ACADM: variants seen among roughly 807,000 people sequenced by gnomAD.
The protein encoded by ACADM is acyl-CoA dehydrogenase medium chain.
A neutral mutation model predicts 58.9 loss-of-function variants in ACADM; 49 were observed. That is an observed-to-expected ratio of 0.83 (90% CI 0.66 to 1.06). The LOEUF (loss-of-function observed/expected upper bound fraction) is 1.06. ACADM is among the 50% of genes least tolerant of loss of function. The pLI is 0.00. For missense variants in ACADM, 496 were observed against 507.0 expected (o/e 0.98, Z 0.21); for synonymous variants, 160 against 157.7 (o/e 1.01, Z -0.11).
At chr1:75,725,177 C>G (rs1647030353) in intron 1 of ACADM, among the ~76,000 whole-genome samples, 1 of 151,954 alleles carries the variant, frequency 6.6e-6, no homozygotes, top group Non-Finnish European at 1.5e-5. Context: ...AATGGAGCAG[C>G]TACTCCTTGA....
intron 2 of ACADM, 186 bp from the exon 3 acceptor site, chr1:75,732,458 G>C (rs1183074184): frequency 1.6e-6 from 1 of 608,134 alleles, no homozygotes; most frequent in Non-Finnish European, 2.9e-6. Flanking sequence ...TTTAGCATTT[G>C]TATTGACATA....
chr1:75,737,429 TAAAAACTTCACTGTATTATG>T (rs1156371075), intron 6 of ACADM, among the ~76,000 whole-genome samples: 2 of 150,970 alleles, frequency 1.3e-5, no homozygotes, highest in Non-Finnish European at 2.9e-5. Flanking sequence ...TCACAGGCTC[TAAAAACTTCACTGTATTATG>T]AAACAGACAG....
intron 10 of ACADM, among the ~76,000 whole-genome samples, chr1:75,759,622 T>G (rs1335224508): frequency 4.0e-5 from 6 of 151,358 alleles, no homozygotes; most frequent in Non-Finnish European, 8.8e-5. Context: ...TCTGATACAG[T>G]GCCACATTAT....
chr1:75,738,310 A>T (rs1570873558), intron 6 of ACADM, among the ~76,000 whole-genome samples: 1 of 147,574 alleles, frequency 6.8e-6, no homozygotes, highest in Non-Finnish European at 1.5e-5. Context: ...TGCAACCTCC[A>T]CCTCCCAGGT....
chr1:75,732,190 G>A (rs1187589151), intron 2 of ACADM, among the ~76,000 whole-genome samples: 5 of 151,308 alleles, frequency 3.3e-5, no homozygotes, highest in African/African-American at 1.2e-4. Flanking sequence ...ATTCTTATAT[G>A]ACACTTTGAA....
chr1:75,734,904 C>T (rs1647215067), intron 6 of ACADM, 33 bp downstream of exon 6: 1 of 1,503,664 alleles, frequency 6.7e-7, no homozygotes, highest in Non-Finnish European at 9.3e-7. Context: ...TTATTTCACA[C>T]TTAAGAAGGG....
At chr1:75,753,527 C>T (rs1403828279) in intron 10 of ACADM, among the ~76,000 whole-genome samples, 1 of 151,820 alleles carries the variant, frequency 6.6e-6, no homozygotes, top group South Asian at 2.1e-4. Context: ...CAAATTTCAA[C>T]CTAATGCTTT....
At chr1:75,731,278 CAAAAAAAAAAAA>C (rs56885972) in intron 2 of ACADM, among the ~76,000 whole-genome samples, 2 of 64,932 alleles carry the variant, frequency 3.1e-5, no homozygotes, top group African/African-American at 6.0e-5. Flanking sequence ...GACTCCGTCT[CAAAAAAAAAAAA>C]AAAAAAAAAA....
intron 8 of ACADM, among the ~76,000 whole-genome samples, chr1:75,746,197 A>C (rs1647890301): frequency 6.6e-6 from 1 of 152,222 alleles, no homozygotes; most frequent in Non-Finnish European, 1.5e-5. Flanking sequence ...TTACCTGACC[A>C]ATAATAAGAA....
rs758111285 is a variant in ACADM at position 75,745,874 on chromosome 1, T to C, written c.668T>C (p.Ile223Thr). Reference protein sequence around the residue: ...APANKAFTGFIVEADTPGIQI... With the variant: ...APANKAFTGFTVEADTPGIQI... ...GCTAATAAAGCCTTTACTGGATTCA[T>C]TGTGGAAGCAGATACCCCAGGAATT... Residue 223 changes from isoleucine to threonine, a missense_variant, in exon 8 of 12, where the codon ATT becomes ACT. Ile to Thr is a moderately conservative substitution (Grantham distance 89, BLOSUM62 -1). Transcript: ENST00000370841. 2.5e-6 allele frequency: 4 copies of C among 1,613,930 alleles called. No homozygotes were observed. The highest frequency in any genetic ancestry group is 3.3e-5 in the Admixed American group (2 of 60,028).
rs1647773637 is a variant in ACADM, at chr1:75,744,446, T to C, written c.600-1360T>C. On this transcript the variant is annotated intron_variant, in intron 7 of 11. Transcript: ENST00000370841. ...GCTGGTGATGGAACCTGCACCAATGTCTTGTCAGTTTCAATCTCACAAACC... is the reference window on the plus strand; with the variant it reads ...GCTGGTGATGGAACCTGCACCAATGCCTTGTCAGTTTCAATCTCACAAACC... 2.6e-6 allele frequency: 4 copies of C among 1,526,170 alleles called. No homozygotes were observed. In the East Asian group the frequency reaches 9.0e-5, roughly 34 times the overall value. The allele number at this position is 1,526,170 out of a possible 1,614,324, so 94.5% of individuals were successfully genotyped here. A position where few individuals can be genotyped will look rare whatever the true frequency, so the allele number is the denominator to read the frequency against.
chr1:75,745,893 A>C lies in ACADM; in HGVS notation c.687A>C (p.Pro229=), dbSNP rs368276871. ...FTGFIVEADT[P]GIQIGRKELN... ...GATTCATTGTGGAAGCAGATACCCC[A>C]GGAATTCAGATTGGGAGAAAGGTAA... The change falls in exon 8 of 12, where the codon CCA becomes CCC. Residue 229 remains proline, a synonymous_variant. Transcript: ENST00000370841. The C allele has an allele frequency of 4.3e-6, 7 of 1,612,460 alleles. No homozygotes were observed. The African/African-American group carries it at 9.3e-5, about 21-fold the overall frequency.
In ACADM at chr1:75,750,458, C is replaced by T. The variant is rs767223494; in HGVS notation, c.857C>T (p.Ala286Val). The T allele has an allele frequency of 1.9e-6, 3 of 1,610,504 alleles. No homozygotes were observed. In the South Asian group the frequency reaches 3.3e-5, roughly 18 times the overall value. ...AFDKTRPVVA[A>V]GAVGLAQRAL... ...AATATCTTAAAATACTAGGTAGCTG[C>T]TGGTGCTGTTGGATTAGCACAAAGA... The change falls in exon 10 of 12, where the codon GCT (alanine) becomes GTT (valine). Residue 286 changes from alanine (A) to valine (V), a missense_variant. By Grantham distance (64) the Ala-to-Val change is moderately conservative (BLOSUM62 0). Transcript: ENST00000370841.
At chr1:75,734,216 T>A (rs921789529) in intron 5 of ACADM, among the ~76,000 whole-genome samples, 4 of 145,766 alleles carry the variant, frequency 2.7e-5, no homozygotes, top group African/African-American at 7.8e-5. Flanking sequence ...CAGGCTGGAG[T>A]GCAGTGGCGC....
At chr1:75,751,995 C>CT (rs34262751) in intron 10 of ACADM, among the ~76,000 whole-genome samples, 46,218 of 140,178 alleles carry the variant, frequency 0.33, 8,091 homozygotes, top group African/African-American at 0.4. Flanking sequence ...TCCTATTTCT[C>CT]TTTTTTTTTT....
chr1:75,755,276 G>C (rs1325213622), intron 10 of ACADM, among the ~76,000 whole-genome samples: 1 of 152,212 alleles, frequency 6.6e-6, no homozygotes, highest in African/African-American at 2.4e-5. Flanking sequence ...CTCCCAGAAT[G>C]GAGTTTGAGA....
At chr1:75,741,932 C>T (rs982945259) in intron 7 of ACADM, among the ~76,000 whole-genome samples, 7 of 152,116 alleles carry the variant, frequency 4.6e-5, no homozygotes, top group African/African-American at 1.7e-4. Context: ...AGCAAATATT[C>T]ATAATAACTC....
intron 10 of ACADM, 78 bp from the exon 11 acceptor site, chr1:75,761,043 TA>T: frequency 1.4e-6 from 2 of 1,419,052 alleles, no homozygotes; most frequent in Non-Finnish European, 1.9e-6. Context: ...CCCGTCACTA[TA>T]AAAATGAAAA....
intron 5 of ACADM, 103 bp from the exon 6 acceptor site, chr1:75,734,662 ATAGGCCAGTTCTTTGGACTTACCTGT>A (rs1441164521): frequency 1.4e-5 from 10 of 707,888 alleles, no homozygotes; most frequent in Admixed American, 2.1e-5. Context: ...GAGGCAAGGT[ATAGGCCAGTTCTTTGGACTTACCTGT>A]TAGGTGAAAA....
Sources: gnomAD v4.1 joint callset for allele counts (sites outside exome capture counted in the v4.1 genomes callset) on GRCh38, gnomAD v4.1.1 for gene constraint, MANE v1.5 for transcripts, NCBI Gene and HGNC (gene_info 2026-07-23, HGNC 2026-07-21) for gene names.